AOPEP: variants seen among roughly 807,000 people sequenced by gnomAD.
AOPEP encodes the protein aminopeptidase O (putative), also known as aminopeptidase O.
Under a neutral mutation model 98.1 loss-of-function variants are expected in AOPEP, and 77 were observed. That is an observed-to-expected ratio of 0.78 (90% CI 0.65 to 0.95). The LOEUF is 0.95. AOPEP is among the 40% of genes least tolerant of loss of function. AOPEP has a pLI of 0.00. For synonymous variants in AOPEP, 346 were observed against 365.3 expected (o/e 0.95, Z 0.60); for missense variants, 1,024 against 1,024.7 (o/e 1.00, Z 0.01).
intron 1 of AOPEP, among the ~76,000 whole-genome samples, chr9:94,739,442 C>T (rs1832558733): frequency 6.6e-6 from 1 of 151,928 alleles, no homozygotes; most frequent in Non-Finnish European, 1.5e-5. Flanking sequence ...ATCAGGAGTT[C>T]GACACCAGCC....
chr9:94,928,234 C>T (rs66642068), intron 6 of AOPEP, among the ~76,000 whole-genome samples, 191 bp from the exon 7 acceptor site: 5,662 of 152,266 alleles, frequency 0.037, 130 homozygotes, highest in Admixed American at 0.068. Context: ...GCAGCACAAG[C>T]GAGCGTGCAC....
chr9:95,038,892 G>A (rs1203741711), intron 13 of AOPEP, among the ~76,000 whole-genome samples: 1 of 152,190 alleles, frequency 6.6e-6, no homozygotes, highest in African/African-American at 2.4e-5. Context: ...CTTAATATCT[G>A]TACTAGAAAT....
rs35685082 is a variant in AOPEP at position 94,848,451 on chromosome 9, C to CAAAAA, written c.1364+47467_1364+47471dup. ...TGGGCGACGGAGCGAGACTCCGTCTCAAAAAAAAAAAAAAAAAAAAAATTA... is the reference window on the plus strand; with the variant it reads ...TGGGCGACGGAGCGAGACTCCGTCTCAAAAAAAAAAAAAAAAAAAAAAAAAAATTA... On this transcript the variant is annotated intron_variant, in intron 5 of 16. Transcript: ENST00000375315. Among the ~76,000 whole-genome samples the CAAAAA allele has an allele frequency of 5.4e-4, 41 of 75,794 alleles. 2 individuals carry two copies. Among genetic ancestry groups the CAAAAA allele is most frequent in the Middle Eastern group, 0.011 (1 of 94 alleles). The allele number at this position is 75,794 out of a possible 152,430, so 49.7% of individuals were successfully genotyped here. A position where few individuals can be genotyped will look rare whatever the true frequency, so the allele number is the denominator to read the frequency against.
intron 4 of AOPEP, among the ~76,000 whole-genome samples, chr9:94,799,698 A>G (rs1196961481): frequency 1.3e-5 from 2 of 152,104 alleles, no homozygotes; most frequent in African/African-American, 2.4e-5. Flanking sequence ...CCCCGTCTCT[A>G]CTAAAAATAC....
chr9:94,907,712 C>T (rs146852468), intron 5 of AOPEP, among the ~76,000 whole-genome samples: 16 of 152,276 alleles, frequency 1.1e-4, no homozygotes, highest in African/African-American at 3.9e-4. Context: ...GCCTCCCTTG[C>T]AGCAACCCCT....
the AOPEP span, chr9:95,110,459 T>TA: frequency 5.8e-6 from 6 of 1,029,006 alleles, no homozygotes; most frequent in Non-Finnish European, 7.0e-6. Flanking sequence ...GGGGAAGAAA[T>TA]AAAAAGCTTT....
chr9:94,783,906 T>C (rs142003009), intron 3 of AOPEP, among the ~76,000 whole-genome samples: 4 of 152,088 alleles, frequency 2.6e-5, no homozygotes, highest in African/African-American at 7.2e-5. Context: ...AGAAACAATT[T>C]TGAGGTAGCA....
At chr9:94,928,972 C>T (rs1455226871) in intron 7 of AOPEP, 1 of 156,808 alleles carries the variant, frequency 6.4e-6, no homozygotes, top group East Asian at 1.9e-4. Flanking sequence ...CGTAGCCCAG[C>T]AGGAAGCCTC....
chr9:94,852,243 T>G (rs924392911), intron 5 of AOPEP, among the ~76,000 whole-genome samples: 7 of 152,246 alleles, frequency 4.6e-5, no homozygotes, highest in Non-Finnish European at 1.0e-4. Flanking sequence ...TAAATTGATC[T>G]GGGGTAGCTT....
chr9:94,816,210 T>G (rs375026464), intron 5 of AOPEP, among the ~76,000 whole-genome samples: 1 of 152,228 alleles, frequency 6.6e-6, no homozygotes, highest in African/African-American at 2.4e-5. Context: ...ATAGTTCCAG[T>G]TGGGGTCATT....
At chr9:94,821,871 T>G (rs1282975559) in intron 5 of AOPEP, among the ~76,000 whole-genome samples, 1 of 152,214 alleles carries the variant, frequency 6.6e-6, no homozygotes, top group Non-Finnish European at 1.5e-5. Context: ...AAATGTTCTT[T>G]ACCAGCATGG....
At chr9:94,744,185 G>A (rs1365830828) in intron 1 of AOPEP, among the ~76,000 whole-genome samples, 1 of 152,054 alleles carries the variant, frequency 6.6e-6, no homozygotes, top group Non-Finnish European at 1.5e-5. Context: ...GAGGTCAGGA[G>A]ATTGAGACCA....
At chr9:95,142,664 C>T in the AOPEP span, 1 of 152,136 alleles carries the variant, frequency 6.6e-6, no homozygotes, top group Non-Finnish European at 1.5e-5. Context: ...TTTCTGTTAT[C>T]CCACTATACT....
At chr9:95,126,426 T>C in the AOPEP span, 6 of 1,147,044 alleles carry the variant, frequency 5.2e-6, no homozygotes, top group African/African-American at 9.2e-5. Context: ...AAACTCTAAT[T>C]TCCCCATGAT....
At chr9:95,047,943 A>G (rs2065989239) in intron 13 of AOPEP, among the ~76,000 whole-genome samples, 1 of 152,198 alleles carries the variant, frequency 6.6e-6, no homozygotes. Flanking sequence ...AGAATTGTAT[A>G]AATTGTTTAT....
At chr9:94,750,445 C>T (rs956535946) in intron 1 of AOPEP, among the ~76,000 whole-genome samples, 21 of 151,868 alleles carry the variant, frequency 1.4e-4, no homozygotes, top group Admixed American at 1.3e-4. Flanking sequence ...ATTAGCCGGG[C>T]GTGGTGGCGG....
At chr9:95,029,742 G>A (rs946544009) in intron 13 of AOPEP, among the ~76,000 whole-genome samples, 2 of 152,196 alleles carry the variant, frequency 1.3e-5, no homozygotes, top group Non-Finnish European at 2.9e-5. Context: ...AGTTACTCAA[G>A]GGAAGGAGGT....
chr9:95,121,367 A>G, the AOPEP span, among the ~76,000 whole-genome samples: 1 of 152,330 alleles, frequency 6.6e-6, no homozygotes, highest in Middle Eastern at 3.4e-3. Context: ...AAGCACTGAC[A>G]TGAGTGCTTC....
chr9:95,041,979 A>G (rs748028547), intron 13 of AOPEP, among the ~76,000 whole-genome samples: 9 of 152,118 alleles, frequency 5.9e-5, no homozygotes, highest in Admixed American at 2.6e-4. Flanking sequence ...TCCTCTTTTA[A>G]AAGGAAACTG....
Sources: allele counts gnomAD v4.1 joint callset (sites outside exome capture counted in the v4.1 genomes callset), GRCh38; gene constraint gnomAD v4.1.1; transcripts MANE v1.5; gene names NCBI Gene and HGNC (gene_info 2026-07-23, HGNC 2026-07-21).